GRID2: variants seen among roughly 807,000 people sequenced by gnomAD.
GRID2 encodes glutamate receptor ionotropic, delta-2.
Under a neutral mutation model 114.8 loss-of-function variants are expected in GRID2, and 33 were observed. The ratio of observed to expected loss-of-function variants is 0.29; its 90% CI spans 0.22 to 0.38. The LOEUF is 0.38. Ranked by LOEUF, GRID2 falls within the 10% of genes least tolerant of loss-of-function variation. GRID2 has a pLI of 1.00. For synonymous variants in GRID2, 505 were observed against 449.9 expected, an observed-to-expected ratio of 1.12 and a Z score of -1.55; for missense variants, 1,184 against 1,257.7, an observed-to-expected ratio of 0.94 and a Z score of 0.89.
intron 3 of GRID2, among the ~76,000 whole-genome samples, chr4:93,105,389 A>G (rs907073298): frequency 2.0e-5 from 3 of 152,162 alleles, no homozygotes; most frequent in Admixed American, 6.5e-5. Flanking sequence ...GCCCATGCCT[A>G]TGTCCTGAAC....
At chr4:93,558,678 C>A (rs1298822791) in intron 13 of GRID2, among the ~76,000 whole-genome samples, 1 of 152,196 alleles carries the variant, frequency 6.6e-6, no homozygotes, top group Non-Finnish European at 1.5e-5. Context: ...TGGTACCATT[C>A]TTTCTGAAAC....
chr4:92,926,017 G>T (rs931998856), intron 2 of GRID2, among the ~76,000 whole-genome samples: 26 of 151,934 alleles, frequency 1.7e-4, no homozygotes, highest in South Asian at 6.2e-4. Context: ...CAGAATTAAA[G>T]TTGCAACATC....
intron 1 of GRID2, among the ~76,000 whole-genome samples, chr4:92,448,756 G>A (rs1406401905): frequency 6.6e-6 from 1 of 151,986 alleles, no homozygotes; most frequent in African/African-American, 2.4e-5. Context: ...TAAAAATTAT[G>A]TAAGATATAT....
intron 1 of GRID2, among the ~76,000 whole-genome samples, chr4:92,442,292 C>T (rs551032357): frequency 6.6e-6 from 1 of 152,072 alleles, no homozygotes; most frequent in Admixed American, 6.5e-5. Flanking sequence ...GTTCCAGGGG[C>T]TCTGAGAGTG....
Position 93,428,320 on chromosome 4 carries a change from T to C in GRID2, c.1545+5352T>C, listed in dbSNP as rs1182630507. ...CAGAAATTAAATCTTAATGCTAAAC[T>C]CTACCTCATTTAAACCATAATTAGT... On this transcript the variant is annotated intron_variant, in intron 10 of 15. Coordinates refer to ENST00000282020, the MANE Select transcript of GRID2 (RefSeq NM_001510.4). Among the ~76,000 whole-genome samples, 7 of 152,102 alleles carry C rather than the reference T, an allele frequency of 4.6e-5. No individual in the cohort carries two copies. The East Asian group carries it at 1.3e-3, about 29-fold the overall frequency.
chr4:93,204,710 A>G (rs998565706), intron 4 of GRID2, among the ~76,000 whole-genome samples: 2 of 152,178 alleles, frequency 1.3e-5, no homozygotes, highest in African/African-American at 4.8e-5. Context: ...TAAGTTACCA[A>G]CAAGTTATCA....
chr4:92,870,901 A>C (rs1745224739), intron 2 of GRID2, among the ~76,000 whole-genome samples: 1 of 152,208 alleles, frequency 6.6e-6, no homozygotes, highest in Non-Finnish European at 1.5e-5. Context: ...AAATCATATG[A>C]ATAACTTGTG....
intron 10 of GRID2, among the ~76,000 whole-genome samples, chr4:93,449,436 A>G (rs1722470926): frequency 6.6e-6 from 1 of 152,152 alleles, no homozygotes; most frequent in African/African-American, 2.4e-5. Flanking sequence ...TCATTCTGAT[A>G]GAGCAGTGAG....
intron 2 of GRID2, among the ~76,000 whole-genome samples, chr4:92,740,920 TA>T (rs1189643550): frequency 6.6e-6 from 1 of 151,992 alleles, no homozygotes; most frequent in Non-Finnish European, 1.5e-5. Context: ...CTTATTCTTG[TA>T]GTTTTATTAG....
At chr4:92,748,319 A>G (rs1462939689) in intron 2 of GRID2, among the ~76,000 whole-genome samples, 2 of 152,202 alleles carry the variant, frequency 1.3e-5, no homozygotes, top group Non-Finnish European at 2.9e-5. Context: ...GTTGACTTCA[A>G]AAAAGAAAAT....
intron 8 of GRID2, among the ~76,000 whole-genome samples, chr4:93,368,909 AAGAG>A (rs958245758): frequency 9.9e-5 from 15 of 152,136 alleles, no homozygotes; most frequent in Admixed American, 5.2e-4. Context: ...TTCATCTAAA[AAGAG>A]AGAGAGAAAG....
chr4:93,481,805 G>GT (rs1268508085), intron 11 of GRID2, among the ~76,000 whole-genome samples: 2 of 152,028 alleles, frequency 1.3e-5, no homozygotes, highest in Non-Finnish European at 2.9e-5. Context: ...AGAAGGAAGT[G>GT]TTTCTAGGAG....
chr4:93,072,873 G>A, intron 2 of GRID2, among the ~76,000 whole-genome samples: 1 of 152,060 alleles, frequency 6.6e-6, no homozygotes. Flanking sequence ...ACCTTACATG[G>A]CACCATGCCC....
intron 2 of GRID2, among the ~76,000 whole-genome samples, chr4:93,047,356 A>C (rs1726246889): frequency 6.6e-6 from 1 of 152,302 alleles, no homozygotes; most frequent in East Asian, 1.9e-4. Flanking sequence ...ATATTGGTTC[A>C]TCAATTATAA....
intron 2 of GRID2, among the ~76,000 whole-genome samples, chr4:92,782,352 A>C (rs1335224879): frequency 6.6e-6 from 1 of 152,070 alleles, no homozygotes; most frequent in African/African-American, 2.4e-5. Context: ...TATTGTCACC[A>C]TAATTTTAAA....
chr4:92,558,042 T>G (rs536232049), intron 1 of GRID2, among the ~76,000 whole-genome samples: 1 of 152,152 alleles, frequency 6.6e-6, no homozygotes, highest in East Asian at 1.9e-4. Flanking sequence ...CTCCATTCTA[T>G]TTTTGGAGCC....
intron 2 of GRID2, among the ~76,000 whole-genome samples, chr4:92,712,492 A>G (rs887249430): frequency 6.6e-6 from 1 of 152,176 alleles, no homozygotes; most frequent in African/African-American, 2.4e-5. Flanking sequence ...GCTGTATATT[A>G]ACAATTATGG....
intron 2 of GRID2, among the ~76,000 whole-genome samples, chr4:92,691,944 T>C (rs1734202901): frequency 6.6e-6 from 1 of 152,214 alleles, no homozygotes; most frequent in African/African-American, 2.4e-5. Flanking sequence ...ACTGATTCTC[T>C]GTTTTAATAG....
chr4:93,747,738 G>GT (rs916634543), intron 14 of GRID2, among the ~76,000 whole-genome samples: 219 of 147,278 alleles, frequency 1.5e-3, no homozygotes, highest in African/African-American at 4.2e-3. Flanking sequence ...TGTCAATTTG[G>GT]TTTTTTTTTT....
Sources: gnomAD v4.1 joint callset for allele counts (sites outside exome capture counted in the v4.1 genomes callset) on GRCh38, gnomAD v4.1.1 for gene constraint, MANE v1.5 for transcripts, NCBI Gene and HGNC (gene_info 2026-07-23, HGNC 2026-07-21) for gene names.